The following AGBL1 variants were observed in gnomAD, a reference collection of about 807,000 sequenced individuals.
AGBL1 encodes AGBL carboxypeptidase 1.
In AGBL1, 130 loss-of-function variants were observed where a neutral mutation model predicts 118.9. That is an observed-to-expected ratio of 1.09 (90% confidence interval 0.95 to 1.26). The LOEUF (loss-of-function observed/expected upper bound fraction) is 1.26, where lower values mean the gene tolerates loss of function less well. Among genes scored for constraint, AGBL1 ranks in the 50% most tolerant of loss-of-function variants. AGBL1 has a pLI of 0.00. For missense variants in AGBL1, 1,584 were observed against 1,298.1 expected (o/e 1.22, Z -3.38); for synonymous variants, 555 against 478.9 (o/e 1.16, Z -2.08).
chr15:86,929,188 G>A (rs2080578513), intron 23 of AGBL1, among the ~76,000 whole-genome samples: 1 of 151,982 alleles, frequency 6.6e-6, no homozygotes, highest in South Asian at 2.1e-4. Flanking sequence ...GTCTCCTCAG[G>A]TCAGGTCTTG....
At chr15:86,815,472 T>G (rs1253099984) in intron 22 of AGBL1, among the ~76,000 whole-genome samples, 3 of 152,090 alleles carry the variant, frequency 2.0e-5, no homozygotes, top group Non-Finnish European at 4.4e-5. Context: ...AAGAGACCAA[T>G]CATTTTTGGC....
chr15:86,123,588 C>G (rs1898223395), intron 1 of AGBL1, among the ~76,000 whole-genome samples: 1 of 152,150 alleles, frequency 6.6e-6, no homozygotes, highest in South Asian at 2.1e-4. Context: ...TGATCCCGGG[C>G]TTTTAGATAA....
intron 23 of AGBL1, among the ~76,000 whole-genome samples, chr15:86,957,156 G>A (rs563828261): frequency 4.4e-4 from 67 of 152,056 alleles, no homozygotes; most frequent in Non-Finnish European, 9.1e-4. Flanking sequence ...TCTAAAATCT[G>A]AATTCAACAC....
chr15:86,501,314 T>A (rs527649938), intron 18 of AGBL1, among the ~76,000 whole-genome samples: 1 of 151,772 alleles, frequency 6.6e-6, no homozygotes, highest in South Asian at 2.1e-4. Flanking sequence ...TCTGGAGAAA[T>A]GTCTATTCAA....
intron 21 of AGBL1, among the ~76,000 whole-genome samples, chr15:86,597,902 G>A (rs1567076831): frequency 6.6e-6 from 1 of 152,112 alleles, no homozygotes; most frequent in Non-Finnish European, 1.5e-5. Flanking sequence ...AGTCTGTTCT[G>A]AAACAGATAA....
intron 22 of AGBL1, among the ~76,000 whole-genome samples, chr15:86,876,172 C>A (rs1247710371): frequency 6.6e-6 from 1 of 152,048 alleles, no homozygotes; most frequent in Non-Finnish European, 1.5e-5. Flanking sequence ...ATCCTGTATA[C>A]CAAGGACTCT....
At chr15:86,436,897 C>T (rs2082006762) in intron 18 of AGBL1, among the ~76,000 whole-genome samples, 1 of 152,066 alleles carries the variant, frequency 6.6e-6, no homozygotes, top group Admixed American at 6.5e-5. Context: ...CAAAGTTGGG[C>T]CTTCTAGTAT....
At chr15:86,662,154 A>T (rs1201316921) in intron 21 of AGBL1, among the ~76,000 whole-genome samples, 2 of 152,218 alleles carry the variant, frequency 1.3e-5, no homozygotes, top group African/African-American at 4.8e-5. Flanking sequence ...CTAAGCAAAG[A>T]TGAGTGGCAT....
At position 86,264,789 on chromosome 15, in the gene AGBL1, C is replaced by A. The variant is rs904561590; in HGVS notation, c.1618C>A (p.Pro540Thr). The change falls in exon 11 of 23, where the codon CCC (proline) becomes ACC (threonine). Residue 540 changes from proline to threonine, a missense_variant. Pro to Thr is a conservative substitution (Grantham distance 38, BLOSUM62 -1). Coordinates refer to ENST00000614907, the MANE Select transcript of AGBL1 (RefSeq NM_001386094.1). Reference sequence around the variant, plus strand: ...ATTTCCTGATGTCTGGGGACACTGTCCCCCTCCCACCACCCAGCCTATGTT... The same window carrying A: ...ATTTCCTGATGTCTGGGGACACTGTACCCCTCCCACCACCCAGCCTATGTT... ...MAFPDVWGHC[P>T]PPTTQPMLER... 1 of 1,613,712 alleles carries A rather than the reference C, an allele frequency of 6.2e-7. No individual in the cohort carries two copies. The highest frequency in any genetic ancestry group is 1.1e-5 in the South Asian group (1 of 91,024).
At chr15:86,693,300 G>A (rs887597186) in intron 22 of AGBL1, among the ~76,000 whole-genome samples, 6 of 152,058 alleles carry the variant, frequency 3.9e-5, no homozygotes, top group Non-Finnish European at 1.5e-5. Flanking sequence ...CACTCTTGCA[G>A]GAGTAAAGTG....
intron 15 of AGBL1, among the ~76,000 whole-genome samples, chr15:86,273,443 T>C (rs1049096627): frequency 3.3e-5 from 5 of 152,252 alleles, no homozygotes; most frequent in Non-Finnish European, 5.9e-5. Context: ...TGTTTTATAA[T>C]TATTCACCAC....
chr15:86,315,614 A>T (rs2079992257), intron 17 of AGBL1, among the ~76,000 whole-genome samples: 1 of 151,152 alleles, frequency 6.6e-6, no homozygotes, highest in South Asian at 2.1e-4. Context: ...GCTACTTGGG[A>T]GGCTGAGGCA....
intron 1 of AGBL1, among the ~76,000 whole-genome samples, chr15:86,108,746 C>G (rs1010274458): frequency 2.4e-4 from 37 of 152,258 alleles, no homozygotes; most frequent in African/African-American, 8.4e-4. Context: ...ATCACGAGGT[C>G]AAGAGATCGA....
chr15:87,020,213 ATG>A (rs2081650765), intron 24 of AGBL1, among the ~76,000 whole-genome samples: 1 of 152,158 alleles, frequency 6.6e-6, no homozygotes, highest in African/African-American at 2.4e-5. Flanking sequence ...TTTACACTGA[ATG>A]TCATTGATCA....
chr15:86,190,444 A>G (rs1286462775), intron 5 of AGBL1, among the ~76,000 whole-genome samples: 1 of 152,166 alleles, frequency 6.6e-6, no homozygotes, highest in South Asian at 2.1e-4. Context: ...TCTATTCTTC[A>G]TATTTTATGT....
intron 10 of AGBL1, 60 bp downstream of exon 10, chr15:86,262,954 T>C (rs1195649001): frequency 7.6e-7 from 1 of 1,310,842 alleles, no homozygotes; most frequent in Non-Finnish European, 1.1e-6. Flanking sequence ...TTGCAGATCC[T>C]GGGAGGCCAA....
At chr15:86,905,215 C>G (rs553261579) in intron 22 of AGBL1, among the ~76,000 whole-genome samples, 1 of 152,126 alleles carries the variant, frequency 6.6e-6, no homozygotes, top group Non-Finnish European at 1.5e-5. Flanking sequence ...CAACTTGATG[C>G]GCGGGAGAAC....
chr15:86,177,660 T>A (rs1319500228), intron 5 of AGBL1, among the ~76,000 whole-genome samples: 1 of 152,098 alleles, frequency 6.6e-6, no homozygotes, highest in East Asian at 1.9e-4. Flanking sequence ...GTCCCCAAAA[T>A]TTGAAAATTA....
intron 24 of AGBL1, chr15:86,988,098 T>C (rs2081302194): frequency 6.2e-7 from 1 of 1,612,902 alleles, no homozygotes; most frequent in Admixed American, 1.7e-5. Flanking sequence ...CGTGAGTATG[T>C]CAGTTTCCTG....
Sources: gnomAD v4.1 joint callset for allele counts (sites outside exome capture counted in the v4.1 genomes callset) on GRCh38, gnomAD v4.1.1 for gene constraint, MANE v1.5 for transcripts, NCBI Gene and HGNC (gene_info 2026-07-23, HGNC 2026-07-21) for gene names.